The following RBM33 variants were observed in gnomAD, a reference collection of about 807,000 sequenced individuals.
The protein encoded by RBM33 is RNA binding motif protein 33.
RBM33 carries 28 observed loss-of-function variants against 132.6 expected under a neutral mutation model. The ratio of observed to expected loss-of-function variants is 0.21; its 90% CI spans 0.16 to 0.29. The LOEUF (loss-of-function observed/expected upper bound fraction) is 0.29, where lower values mean the gene tolerates loss of function less well. Among genes scored for constraint, RBM33 ranks in the 10% least tolerant of loss-of-function variants. The pLI is 1.00. For synonymous variants in RBM33, 634 were observed against 593.0 expected (o/e 1.07, Z -1.01); for missense variants, 1,291 against 1,518.5 (o/e 0.85, Z 2.49).
chr7:155,737,950 C>A, intron 10 of RBM33, 110 bp from the exon 11 acceptor site: 1 of 994,782 alleles, frequency 1.0e-6, no homozygotes, highest in Non-Finnish European at 1.5e-6. Flanking sequence ...CATTCATAAC[C>A]TGTCAACACT....
intron 6 of RBM33, among the ~76,000 whole-genome samples, chr7:155,702,325 T>C (rs995803068): frequency 6.6e-6 from 1 of 152,234 alleles, no homozygotes; most frequent in Non-Finnish European, 1.5e-5. Context: ...TAGGCAAGAT[T>C]GTTCAGAGAG....
intron 15 of RBM33, among the ~76,000 whole-genome samples, chr7:155,765,619 C>CA (rs1802188717): frequency 6.6e-6 from 1 of 152,174 alleles, no homozygotes; most frequent in African/African-American, 2.4e-5. Context: ...CATCTGGAAA[C>CA]CTAGTGCCGT....
chr7:155,700,753 CT>C lies in RBM33; in HGVS notation c.568-18del. ...TATGAACTTACTGTCCTTTTTTTGCCTTGTGTATCTGCAATATAGGGAGGTA... is the reference window on the plus strand; with the variant it reads ...TATGAACTTACTGTCCTTTTTTTGCCTGTGTATCTGCAATATAGGGAGGTA... On this transcript the variant is annotated intron_variant, in intron 5 of 17. Coordinates refer to ENST00000401878, the MANE Select transcript of RBM33 (RefSeq NM_053043.3). The C allele has an allele frequency of 2.0e-6, 3 of 1,508,234 alleles. No homozygotes were observed. The South Asian group carries it at 3.9e-5, about 20-fold the overall frequency. The allele number at this position is 1,508,234 out of a possible 1,614,324, so 93.4% of individuals were successfully genotyped here.
intron 5 of RBM33, among the ~76,000 whole-genome samples, chr7:155,684,651 T>C (rs1799422243): frequency 6.6e-6 from 1 of 152,178 alleles, no homozygotes; most frequent in Non-Finnish European, 1.5e-5. Context: ...TCTTCCGTGC[T>C]GTTGATTTGC....
At chr7:155,678,045 T>G (rs1213251818) in intron 3 of RBM33, among the ~76,000 whole-genome samples, 2 of 152,216 alleles carry the variant, frequency 1.3e-5, no homozygotes, top group Admixed American at 6.5e-5. Context: ...AGCTAGGCTC[T>G]CTCTCCTTAT....
At chr7:155,720,136 A>G (rs549506262) in intron 9 of RBM33, among the ~76,000 whole-genome samples, 1 of 152,308 alleles carries the variant, frequency 6.6e-6, no homozygotes, top group Non-Finnish European at 1.5e-5. Flanking sequence ...GTAATGTTCA[A>G]TTTTTGTTTT....
rs1190671778 is a variant in RBM33 at position 155,706,943 on chromosome 7, C to T, written c.823C>T (p.Arg275Trp). The change falls in exon 7 of 18, where the codon CGG becomes TGG. Residue 275 changes from arginine to tryptophan, a missense_variant. Arg to Trp is a moderately radical substitution (Grantham distance 101, BLOSUM62 -3). Around this residue, in one of 7 missense-constraint regions of RBM33, gnomAD observed 34 missense variants for 46.5 expected, o/e 0.73. Coordinates refer to ENST00000401878, the MANE Select transcript of RBM33 (RefSeq NM_053043.3). Reference protein sequence around the residue: ...QHKQGRYSSRRGGRRGGPLMC... With the variant: ...QHKQGRYSSRWGGRRGGPLMC... ...TAAACAAGGACGCTACAGCTCCAGG[C>T]GGGGAGGACGGCGAGGAGGTCCGCT... is the stretch of plus-strand genomic sequence containing the variant. 2.5e-6 allele frequency: 4 copies of T among 1,604,724 alleles called. No homozygotes were observed. The highest frequency in any genetic ancestry group is 1.7e-5 in the Admixed American group (1 of 58,592).
intron 16 of RBM33, among the ~76,000 whole-genome samples, chr7:155,771,688 T>C (rs1028127235): frequency 2.0e-5 from 3 of 152,244 alleles, no homozygotes; most frequent in African/African-American, 4.8e-5. Flanking sequence ...AGAAATGTTA[T>C]TTCCCAAAAG....
chr7:155,766,320 C>A, intron 15 of RBM33, 147 bp from the exon 16 acceptor site: 1 of 899,138 alleles, frequency 1.1e-6, no homozygotes. Context: ...AAAACATTCT[C>A]TGATAGTGGA....
intron 9 of RBM33, among the ~76,000 whole-genome samples, chr7:155,729,513 G>A (rs570734929): frequency 6.6e-6 from 1 of 152,272 alleles, no homozygotes; most frequent in East Asian, 1.9e-4. Context: ...AAGGTGGGAG[G>A]ATCCCTTGAG....
chr7:155,769,254 G>C (rs1360497415), intron 16 of RBM33, among the ~76,000 whole-genome samples: 7 of 151,846 alleles, frequency 4.6e-5, no homozygotes, highest in Non-Finnish European at 7.4e-5. Context: ...GAACTCTTTC[G>C]TTCTTCCTGG....
At chr7:155,669,880 T>G (rs1311435301) in intron 2 of RBM33, among the ~76,000 whole-genome samples, 3 of 152,136 alleles carry the variant, frequency 2.0e-5, no homozygotes, top group African/African-American at 7.2e-5. Context: ...GACGTTATGT[T>G]GGTGCGTCCC....
At position 155,696,649 on chromosome 7, in the gene RBM33, A is replaced by C. The variant is rs530201039; in HGVS notation, c.568-4124A>C. 1.2e-4 allele frequency among the ~76,000 whole-genome samples: 18 copies of C among 152,316 alleles called. No homozygotes were observed. In the South Asian group the frequency reaches 2.5e-3, roughly 21 times the overall value. On this transcript the variant is annotated intron_variant, in intron 5 of 17. Transcript: ENST00000401878. ...TGATGCTTCTTTTTTGCATCTATTG[A>C]GATAATTATATGGCTTTTATTCCTT...
chr7:155,665,043 G>A (rs1454939197), intron 1 of RBM33, 132 bp from the exon 2 acceptor site: 4 of 632,886 alleles, frequency 6.3e-6, no homozygotes, highest in African/African-American at 5.5e-5. Flanking sequence ...TAAAATGATA[G>A]TTACATATGA....
chr7:155,699,371 GGGC>G (rs1799893307), intron 5 of RBM33, among the ~76,000 whole-genome samples: 1 of 152,166 alleles, frequency 6.6e-6, no homozygotes, highest in Non-Finnish European at 1.5e-5. Flanking sequence ...ACTGATGACT[GGGC>G]ATTGAATTGG....
chr7:155,737,392 GAGAA>G, intron 9 of RBM33, 134 bp from the exon 10 acceptor site: 1 of 683,182 alleles, frequency 1.5e-6, no homozygotes, highest in Non-Finnish European at 2.2e-6. Flanking sequence ...TGTGTAGAAA[GAGAA>G]AGACAGTGAC....
At chr7:155,664,863 T>TA (rs551335861) in intron 1 of RBM33, among the ~76,000 whole-genome samples, 5 of 151,376 alleles carry the variant, frequency 3.3e-5, no homozygotes, top group Admixed American at 1.3e-4. Context: ...TTTCATGCAG[T>TA]AAAAAAACAC....
intron 9 of RBM33, among the ~76,000 whole-genome samples, chr7:155,731,471 T>C (rs1470646208): frequency 4.6e-5 from 7 of 152,216 alleles, no homozygotes; most frequent in Admixed American, 2.0e-4. Flanking sequence ...AAGTAAAATA[T>C]GAGTTACTTG....
chr7:155,653,833 C>A (rs144759645), intron 1 of RBM33, among the ~76,000 whole-genome samples: 2 of 152,196 alleles, frequency 1.3e-5, no homozygotes, highest in Admixed American at 6.5e-5. Context: ...GTGTGATAAC[C>A]CCAGAATTTG....
Sources: allele counts gnomAD v4.1 joint callset (sites outside exome capture counted in the v4.1 genomes callset), GRCh38; gene constraint gnomAD v4.1.1; regional missense constraint gnomAD v4.1.1; transcripts MANE v1.5; gene names NCBI Gene and HGNC (gene_info 2026-07-23, HGNC 2026-07-21).